The following NR6A1 variants were observed in gnomAD, a reference collection of about 807,000 sequenced individuals.
The protein encoded by NR6A1 is nuclear receptor subfamily 6 group A member 1.
A neutral mutation model predicts 59.1 loss-of-function variants in NR6A1; 7 were observed. The observed-to-expected ratio is 0.12, with a 90% CI of 0.07 to 0.22. The LOEUF is 0.22. Ranked by LOEUF, NR6A1 falls within the 10% of genes least tolerant of loss-of-function variation. NR6A1 has a pLI of 1.00. For missense variants in NR6A1, 468 were observed against 611.6 expected (o/e 0.77, Z 2.48); for synonymous variants, 243 against 236.1 (o/e 1.03, Z -0.27).
At chr9:124,756,418 T>C (rs1840631889) in intron 1 of NR6A1, among the ~76,000 whole-genome samples, 1 of 152,246 alleles carries the variant, frequency 6.6e-6, no homozygotes, top group African/African-American at 2.4e-5. Flanking sequence ...AATGTTCATG[T>C]TTACTTTCAA....
chr9:124,593,391 T>C (rs1835182345), intron 2 of NR6A1, among the ~76,000 whole-genome samples: 1 of 151,262 alleles, frequency 6.6e-6, no homozygotes, highest in Non-Finnish European at 1.5e-5. Flanking sequence ...AAAGCAAACA[T>C]TAGAATAAAA....
At chr9:124,747,354 C>A (rs556342144) in intron 1 of NR6A1, among the ~76,000 whole-genome samples, 126 of 152,200 alleles carry the variant, frequency 8.3e-4, no homozygotes, top group African/African-American at 2.9e-3. Context: ...GCCACCACGT[C>A]CAGCCTGACA....
At chr9:124,701,236 C>T (rs922293968) in intron 2 of NR6A1, among the ~76,000 whole-genome samples, 1 of 152,214 alleles carries the variant, frequency 6.6e-6, no homozygotes, top group Non-Finnish European at 1.5e-5. Flanking sequence ...CTAACACTTT[C>T]TAGAACATTT....
Position 124,771,006 on chromosome 9 carries a change from G to T in NR6A1, c.100+14C>A. Reference sequence around the variant, plus strand: ...GTTCCTGCCTGGCCCGGGCGTCGCAGGCCCCTCACCCACCGTTGCGCGGCG... The same window carrying T: ...GTTCCTGCCTGGCCCGGGCGTCGCATGCCCCTCACCCACCGTTGCGCGGCG... On this transcript the variant is annotated intron_variant, in intron 1 of 9. Transcript: ENST00000487099. 3 of 1,219,492 alleles carry T rather than the reference G, an allele frequency of 2.5e-6. No homozygotes were observed. The highest frequency in any genetic ancestry group is 3.1e-6 in the Non-Finnish European group (3 of 977,020). The allele number at this position is 1,219,492 out of a possible 1,614,324, so 75.5% of individuals were successfully genotyped here.
chr9:124,572,033 T>G (rs1191318235), intron 2 of NR6A1, among the ~76,000 whole-genome samples: 1 of 152,030 alleles, frequency 6.6e-6, no homozygotes, highest in East Asian at 1.9e-4. Context: ...AAGGAAAATA[T>G]GGACAGTACA....
At chr9:124,585,187 T>C (rs1834884164) in intron 2 of NR6A1, among the ~76,000 whole-genome samples, 1 of 152,058 alleles carries the variant, frequency 6.6e-6, no homozygotes, top group Non-Finnish European at 1.5e-5. Flanking sequence ...GAAGAAAGGT[T>C]TGAAGCTAGC....
At chr9:124,716,838 C>T (rs993813200) in intron 2 of NR6A1, among the ~76,000 whole-genome samples, 35 of 152,144 alleles carry the variant, frequency 2.3e-4, no homozygotes, top group African/African-American at 8.2e-4. Flanking sequence ...CGCCATGTTG[C>T]CTTGCCCACA....
At position 124,520,596 on chromosome 9, in the gene NR6A1, T is replaced by TA. The variant is rs1832780188; in HGVS notation, c.*2108dup. On this transcript the variant is annotated 3_prime_UTR_variant, in exon 10 of 10. Transcript: ENST00000487099. ...ATTTCAAAAATAATAATTGGACAGA[T>TA]AGAGGCCTCAGCAAAGAACGATGCT... The TA allele has an allele frequency of 6.6e-6, 1 of 152,236 alleles. No individual in the cohort carries two copies. The highest frequency in any genetic ancestry group is 1.5e-5 in the Non-Finnish European group (1 of 68,038). 9.4% of individuals were successfully genotyped at this position (152,236 alleles called of 1,614,324 possible). A position where few individuals can be genotyped will look rare whatever the true frequency, so the allele number is the denominator to read the frequency against.
intron 2 of NR6A1, chr9:124,693,743 T>C (rs754985289): frequency 2.1e-5 from 11 of 534,674 alleles, no homozygotes; most frequent in Admixed American, 1.4e-4. Flanking sequence ...TTGCTGTCGG[T>C]GGGTTTGAGT....
chr9:124,731,149 A>G (rs1839872834), intron 2 of NR6A1, among the ~76,000 whole-genome samples: 1 of 152,162 alleles, frequency 6.6e-6, no homozygotes, highest in Admixed American at 6.5e-5. Context: ...AGGCAGGCGG[A>G]TCACAAGGTC....
rs139481700 is a variant in NR6A1 at position 124,690,098 on chromosome 9, C to T, written c.142+43210G>A. ...TTCATAACTTAAGAATTTATCCTCA[C>T]GGCTAGCAGCATTACCCCCAAACAC... On this transcript the variant is annotated intron_variant, in intron 2 of 9. Coordinates refer to ENST00000487099, the MANE Select transcript of NR6A1 (RefSeq NM_033334.4). Among the ~76,000 whole-genome samples the T allele has an allele frequency of 6.6e-5, 10 of 152,292 alleles. No individual in the cohort carries two copies. The East Asian group carries it at 1.5e-3, about 24-fold the overall frequency.
chr9:124,647,747 AAAGAAAGAAAAG>A lies in NR6A1; in HGVS notation c.142+85549_142+85560del, dbSNP rs1357255032. Among the ~76,000 whole-genome samples the A allele has an allele frequency of 6.9e-5, 6 of 87,348 alleles. No homozygotes were observed. In the South Asian group the frequency reaches 1.0e-3, roughly 15 times the overall value. 57.3% of individuals were successfully genotyped at this position (87,348 alleles called of 152,430 possible). A position where few individuals can be genotyped will look rare whatever the true frequency, so the allele number is the denominator to read the frequency against. ...CTCAAAAAAAAAAAAAAAAAGAAAGAAAGAAAGAAAAGAAAAAAGAAATAGAAAACCTTAACA... is the reference window on the plus strand; with the variant it reads ...CTCAAAAAAAAAAAAAAAAAGAAAGAAAAAAAGAAATAGAAAACCTTAACA... On this transcript the variant is annotated intron_variant, in intron 2 of 9. Coordinates refer to ENST00000487099, the MANE Select transcript of NR6A1 (RefSeq NM_033334.4).
chr9:124,663,630 G>A (rs1837515763), intron 2 of NR6A1, among the ~76,000 whole-genome samples: 1 of 152,162 alleles, frequency 6.6e-6, no homozygotes, highest in African/African-American at 2.4e-5. Flanking sequence ...CTCAGTAAGG[G>A]CTTGAGGTTC....
intron 2 of NR6A1, among the ~76,000 whole-genome samples, chr9:124,648,278 G>A (rs1030163698): frequency 6.6e-6 from 1 of 152,022 alleles, no homozygotes; most frequent in Non-Finnish European, 1.5e-5. Context: ...CAGGAGGACT[G>A]CTCGAGTCCA....
intron 2 of NR6A1, among the ~76,000 whole-genome samples, chr9:124,556,202 T>C (rs965162561): frequency 6.6e-6 from 1 of 152,224 alleles, no homozygotes; most frequent in Non-Finnish European, 1.5e-5. Context: ...TTCTGAATTA[T>C]ATGGGTGGGC....
At chr9:124,729,468 C>G (rs900006144) in intron 2 of NR6A1, among the ~76,000 whole-genome samples, 1 of 152,066 alleles carries the variant, frequency 6.6e-6, no homozygotes, top group Non-Finnish European at 1.5e-5. Context: ...CATGTAGTCA[C>G]AGCTACTCAG....
chr9:124,630,962 T>C (rs904757280), intron 2 of NR6A1, among the ~76,000 whole-genome samples: 1 of 152,122 alleles, frequency 6.6e-6, no homozygotes, highest in African/African-American at 2.4e-5. Flanking sequence ...CGTGAGCCAC[T>C]ATGCCGGGCC....
At chr9:124,760,821 G>C (rs1840768309) in intron 1 of NR6A1, among the ~76,000 whole-genome samples, 1 of 152,222 alleles carries the variant, frequency 6.6e-6, no homozygotes, top group South Asian at 2.1e-4. Context: ...GCATAGCTGT[G>C]ATCTTTGTTA....
intron 2 of NR6A1, among the ~76,000 whole-genome samples, chr9:124,633,563 T>C (rs1260437902): frequency 6.6e-6 from 1 of 152,102 alleles, no homozygotes; most frequent in Non-Finnish European, 1.5e-5. Flanking sequence ...TAATTCCTGG[T>C]CTCCTGAATA....
Sources: gnomAD v4.1 joint callset for allele counts (sites outside exome capture counted in the v4.1 genomes callset) on GRCh38, gnomAD v4.1.1 for gene constraint, MANE v1.5 for transcripts, NCBI Gene and HGNC (gene_info 2026-07-23, HGNC 2026-07-21) for gene names.